Variants in CDH18 observed in about 807,000 individuals in gnomAD.
CDH18 encodes cadherin-18.
Under a neutral mutation model 67.9 loss-of-function variants are expected in CDH18, and 31 were observed. That is an observed-to-expected ratio of 0.46 (90% CI 0.34 to 0.62). CDH18 has a LOEUF of 0.62. Ranked by LOEUF, CDH18 falls within the 20% of genes least tolerant of loss-of-function variation. The probability of loss-of-function intolerance (pLI) is 0.01; values close to 1 mark genes in which losing one functional copy is unlikely to be tolerated. For synonymous variants in CDH18, 362 were observed against 347.2 expected (o/e 1.04, Z -0.48); for missense variants, 890 against 975.5 (o/e 0.91, Z 1.17).
At chr5:20,370,399 T>A (rs1742883646) in intron 1 of CDH18, among the ~76,000 whole-genome samples, 1 of 152,032 alleles carries the variant, frequency 6.6e-6, no homozygotes, top group African/African-American at 2.4e-5. Context: ...TTATTATCAC[T>A]TTAGAGAATA....
At chr5:20,083,906 C>A (rs1580200410) in intron 2 of CDH18, among the ~76,000 whole-genome samples, 1 of 152,100 alleles carries the variant, frequency 6.6e-6, no homozygotes, top group East Asian at 1.9e-4. Context: ...TGGGTCCCTC[C>A]CACAACATTT....
intron 3 of CDH18, among the ~76,000 whole-genome samples, chr5:19,828,228 TAA>T (rs762043253): frequency 1.9e-4 from 29 of 152,116 alleles, no homozygotes; most frequent in Non-Finnish European, 2.9e-5. Flanking sequence ...GAATCAGTAA[TAA>T]GAGTCTTACC....
intron 1 of CDH18, among the ~76,000 whole-genome samples, chr5:20,381,850 C>T (rs749574685): frequency 5.3e-5 from 8 of 151,864 alleles, no homozygotes; most frequent in South Asian, 4.1e-4. Context: ...AATATTTTTA[C>T]GGATTAGCTA....
chr5:20,455,901 T>C (rs1750804672), intron 1 of CDH18, among the ~76,000 whole-genome samples: 1 of 152,100 alleles, frequency 6.6e-6, no homozygotes, highest in Non-Finnish European at 1.5e-5. Context: ...AGTAAGCTGT[T>C]CAGCTATGTT....
intron 1 of CDH18, among the ~76,000 whole-genome samples, chr5:20,269,025 C>A (rs540760428): frequency 6.6e-6 from 1 of 152,172 alleles, no homozygotes; most frequent in African/African-American, 2.4e-5. Context: ...AATGACTGAA[C>A]ACCAACAACA....
At chr5:19,507,915 A>G (rs1561225493) in intron 10 of CDH18, among the ~76,000 whole-genome samples, 2 of 152,246 alleles carry the variant, frequency 1.3e-5, no homozygotes, top group East Asian at 3.9e-4. Flanking sequence ...TTTAAAAAAA[A>G]GAAGAGAGAA....
chr5:20,161,797 G>C (rs2126613517), intron 2 of CDH18, among the ~76,000 whole-genome samples: 1 of 152,218 alleles, frequency 6.6e-6, no homozygotes, highest in East Asian at 1.9e-4. Flanking sequence ...GATTTATTCA[G>C]GGTTATTTGT....
At chr5:19,826,494 T>A (rs1420576933) in intron 3 of CDH18, among the ~76,000 whole-genome samples, 1 of 152,122 alleles carries the variant, frequency 6.6e-6, no homozygotes, top group East Asian at 1.9e-4. Context: ...GCAAGTCACC[T>A]ACAAAGGGAA....
chr5:20,407,999 T>C (rs1746439039), intron 1 of CDH18, among the ~76,000 whole-genome samples: 1 of 151,960 alleles, frequency 6.6e-6, no homozygotes, highest in Non-Finnish European at 1.5e-5. Context: ...TAAGAAGATA[T>C]ATTTGAAAGC....
chr5:20,375,369 A>T (rs190963879), intron 1 of CDH18, among the ~76,000 whole-genome samples: 7 of 152,224 alleles, frequency 4.6e-5, no homozygotes, highest in Non-Finnish European at 7.3e-5. Context: ...GGGATGAAAC[A>T]TGTAATAGAA....
intron 3 of CDH18, among the ~76,000 whole-genome samples, chr5:19,824,245 A>G (rs1041353078): frequency 3.9e-5 from 6 of 152,152 alleles, no homozygotes; most frequent in African/African-American, 1.4e-4. Flanking sequence ...AAAACAGGCT[A>G]GTGAATACTG....
At chr5:20,496,357 A>G (rs1260545375) in intron 1 of CDH18, among the ~76,000 whole-genome samples, 1 of 152,160 alleles carries the variant, frequency 6.6e-6, no homozygotes, top group Non-Finnish European at 1.5e-5. Flanking sequence ...ATTGTCTTTT[A>G]AACACAAAAG....
Position 19,839,194 on chromosome 5 carries a change from T to C in CDH18, c.-208A>G. 1.9e-6 allele frequency: 1 copy of C among 535,874 alleles called. No homozygotes were observed. The highest frequency in any genetic ancestry group is 4.8e-4 in the Middle Eastern group (1 of 2,072). 33.2% of individuals were successfully genotyped at this position (535,874 alleles called of 1,614,324 possible). On this transcript the variant is annotated 5_prime_UTR_variant, in exon 3 of 13. Transcript: ENST00000382275. Reference sequence around the variant, plus strand: ...ACTTGGAAAATCAAAGCCGTAGTTGTCTGATTCCAACTCTTCACAGTAGTT... The same window carrying C: ...ACTTGGAAAATCAAAGCCGTAGTTGCCTGATTCCAACTCTTCACAGTAGTT...
In CDH18 at chr5:20,387,113, C is replaced by G. The variant is rs545591518; in HGVS notation, c.-579-131608G>C. Among the ~76,000 whole-genome samples the G allele has an allele frequency of 9.7e-4, 147 of 152,112 alleles. 1 individual carries two copies. Among genetic ancestry groups the G allele is most frequent in the Non-Finnish European group, 1.6e-3 (107 of 68,004 alleles). Reference sequence around the variant, plus strand: ...ATGGTCTTATTTATAGCTACTCAAACTACTGCCATTGTAGGCAGCCATAGA... The same window carrying G: ...ATGGTCTTATTTATAGCTACTCAAAGTACTGCCATTGTAGGCAGCCATAGA... On this transcript the variant is annotated intron_variant, in intron 1 of 14. Transcript: ENST00000507958.
intron 5 of CDH18, among the ~76,000 whole-genome samples, chr5:19,708,328 A>G (rs1280499905): frequency 6.6e-6 from 1 of 152,220 alleles, no homozygotes; most frequent in Non-Finnish European, 1.5e-5. Flanking sequence ...TGTGATTTCA[A>G]TGATGACTGT....
At chr5:20,261,395 CTTTA>C (rs1324148970) in intron 1 of CDH18, among the ~76,000 whole-genome samples, 1 of 152,122 alleles carries the variant, frequency 6.6e-6, no homozygotes, top group African/African-American at 2.4e-5. Context: ...ATTATTTATC[CTTTA>C]TTTAAATACT....
At chr5:20,212,302 A>T (rs1435956030) in intron 2 of CDH18, among the ~76,000 whole-genome samples, 5 of 152,170 alleles carry the variant, frequency 3.3e-5, no homozygotes, top group Non-Finnish European at 7.4e-5. Context: ...TCTAAGTCTG[A>T]TTGATGTACC....
chr5:20,001,099 GC>G (rs1315141044), intron 2 of CDH18, among the ~76,000 whole-genome samples: 1 of 152,140 alleles, frequency 6.6e-6, no homozygotes, highest in East Asian at 1.9e-4. Context: ...ATATTCTACA[GC>G]ATGCAAAATT....
At chr5:20,037,908 T>G (rs934578626) in intron 2 of CDH18, among the ~76,000 whole-genome samples, 5 of 151,744 alleles carry the variant, frequency 3.3e-5, no homozygotes, top group Non-Finnish European at 5.9e-5. Flanking sequence ...AATCAATGAA[T>G]CCAGGAGCTA....
Sources: allele counts gnomAD v4.1 joint callset (sites outside exome capture counted in the v4.1 genomes callset), GRCh38; gene constraint gnomAD v4.1.1; transcripts MANE v1.5; gene names NCBI Gene and HGNC (gene_info 2026-07-23, HGNC 2026-07-21).